Variants in DNAJB12 observed in about 807,000 individuals in gnomAD.
DNAJB12 encodes dnaJ homolog subfamily B member 12.
A neutral mutation model predicts 40.6 loss-of-function variants in DNAJB12; 14 were observed. The ratio of observed to expected loss-of-function variants is 0.34; its 90% CI spans 0.23 to 0.54. The LOEUF (loss-of-function observed/expected upper bound fraction) is 0.54. Ranked by LOEUF, DNAJB12 falls within the 20% of genes least tolerant of loss-of-function variation. The pLI is 0.92. For missense variants in DNAJB12, 444 were observed against 501.7 expected (o/e 0.89, Z 1.10); for synonymous variants, 181 against 199.5 (o/e 0.91, Z 0.78).
intron 7 of DNAJB12, 147 bp from the exon 8 acceptor site, chr10:72,336,078 G>C: frequency 1.0e-6 from 1 of 1,000,104 alleles, no homozygotes; most frequent in Non-Finnish European, 1.5e-6. Flanking sequence ...GACCATGGAG[G>C]AGCAGAGACT....
chr10:72,341,409 A>G (rs916860599), intron 3 of DNAJB12, among the ~76,000 whole-genome samples: 6 of 152,122 alleles, frequency 3.9e-5, no homozygotes, highest in Non-Finnish European at 7.4e-5. Context: ...CCTCAAGACA[A>G]TGGTCAAGCT....
Position 72,333,726 on chromosome 10 carries a change from G to A in DNAJB12, c.*922C>T, listed in dbSNP as rs1298537965. On this transcript the variant is annotated 3_prime_UTR_variant, in exon 9 of 9. Transcript: ENST00000444643. ...CTTCCCTTCTGTGGGCAGGGGGCTG[G>A]AGGGCTCCTGGGCACCAGGACAAAG... 2 of 152,672 alleles carry A rather than the reference G, an allele frequency of 1.3e-5. No homozygotes were observed. The highest frequency in any genetic ancestry group is 2.9e-5 in the Non-Finnish European group (2 of 68,096). The allele number at this position is 152,672 out of a possible 1,614,324, so 9.5% of individuals were successfully genotyped here. A position where few individuals can be genotyped will look rare whatever the true frequency, so the allele number is the denominator to read the frequency against.
At position 72,336,073 on chromosome 10, in the gene DNAJB12, T is replaced by C. The variant is rs1861466352; in HGVS notation, c.1007-142A>G. On this transcript the variant is annotated intron_variant, in intron 7 of 8. Coordinates refer to ENST00000444643, the MANE Select transcript of DNAJB12 (RefSeq NM_017626.7). ...GGCTGGCCTCCCATTAGGAAGACCATGGAGGAGCAGAGACTACAGTCCTTA... is the reference window on the plus strand; with the variant it reads ...GGCTGGCCTCCCATTAGGAAGACCACGGAGGAGCAGAGACTACAGTCCTTA... The C allele has an allele frequency of 5.7e-6, 6 of 1,045,526 alleles. No homozygotes were observed. In the South Asian group the frequency reaches 8.9e-5, roughly 16 times the overall value. The allele number at this position is 1,045,526 out of a possible 1,614,324, so 64.8% of individuals were successfully genotyped here.
intron 2 of DNAJB12, among the ~76,000 whole-genome samples, chr10:72,344,175 G>GAGAC (rs1035153731): frequency 2.3e-4 from 35 of 152,168 alleles, no homozygotes; most frequent in African/African-American, 8.2e-4. Flanking sequence ...CGCGTCCCTG[G>GAGAC]AGACCTCCTG....
rs1053209461 is a variant in DNAJB12, at chr10:72,333,716, C to A, written c.*932G>T. 6.6e-6 allele frequency: 1 copy of A among 152,636 alleles called. No homozygotes were observed. Among genetic ancestry groups the A allele is most frequent in the Non-Finnish European group, 1.5e-5 (1 of 68,078 alleles). The allele number at this position is 152,636 out of a possible 1,614,324, so 9.5% of individuals were successfully genotyped here. A position where few individuals can be genotyped will look rare whatever the true frequency, so the allele number is the denominator to read the frequency against. On this transcript the variant is annotated 3_prime_UTR_variant, in exon 9 of 9. Coordinates refer to ENST00000444643, the MANE Select transcript of DNAJB12 (RefSeq NM_017626.7). ...CTCTGCAGGCCTTCCCTTCTGTGGGCAGGGGGCTGGAGGGCTCCTGGGCAC... is the reference window on the plus strand; with the variant it reads ...CTCTGCAGGCCTTCCCTTCTGTGGGAAGGGGGCTGGAGGGCTCCTGGGCAC...
chr10:72,334,573 T>C lies in DNAJB12; in HGVS notation c.*75A>G. Reference sequence around the variant, plus strand: ...TTCCTCAAATATACAGTCCATCACCTTGGCTCAGTGCATGTCACCAAAAAT... The same window carrying C: ...TTCCTCAAATATACAGTCCATCACCCTGGCTCAGTGCATGTCACCAAAAAT... On this transcript the variant is annotated 3_prime_UTR_variant, in exon 9 of 9. Coordinates refer to ENST00000444643, the MANE Select transcript of DNAJB12 (RefSeq NM_017626.7). 6.5e-7 allele frequency: 1 copy of C among 1,535,746 alleles called. No individual in the cohort carries two copies. Among genetic ancestry groups the C allele is most frequent in the Non-Finnish European group, 8.7e-7 (1 of 1,146,782 alleles).
Position 72,334,426 on chromosome 10 carries a change from G to T in DNAJB12, c.*222C>A. ...TCCGCCAGCCCTGCGAGGGAGGGAAGCAGCCCCATGGCAGGTTTTCTGTCT... is the reference window on the plus strand; with the variant it reads ...TCCGCCAGCCCTGCGAGGGAGGGAATCAGCCCCATGGCAGGTTTTCTGTCT... On this transcript the variant is annotated 3_prime_UTR_variant, in exon 9 of 9. Transcript: ENST00000444643. The T allele has an allele frequency of 1.2e-6, 1 of 858,774 alleles. No homozygotes were observed. The highest frequency in any genetic ancestry group is 1.8e-6 in the Non-Finnish European group (1 of 543,146). The allele number at this position is 858,774 out of a possible 1,614,324, so 53.2% of individuals were successfully genotyped here.
intron 3 of DNAJB12, among the ~76,000 whole-genome samples, chr10:72,341,660 T>G (rs979588193): frequency 6.6e-6 from 1 of 152,092 alleles, no homozygotes; most frequent in South Asian, 2.1e-4. Flanking sequence ...TTTGTAGAGA[T>G]GAGGTCTTGC....
intron 1 of DNAJB12, among the ~76,000 whole-genome samples, chr10:72,351,021 C>A (rs1861922639): frequency 1.3e-5 from 2 of 152,282 alleles, no homozygotes; most frequent in South Asian, 2.1e-4. Flanking sequence ...AGCCCAGAGT[C>A]AACCATTTCA....
rs749745404 is a variant in DNAJB12 at position 72,336,642 on chromosome 10, A to G, written c.888T>C (p.Tyr296=). 7 of 1,614,122 alleles carry G rather than the reference A, an allele frequency of 4.3e-6. No individual in the cohort carries two copies. The highest frequency in any genetic ancestry group is 5.1e-6 in the Non-Finnish European group (6 of 1,179,972). The change falls in exon 7 of 9, where the codon TAT becomes TAC. Residue 296 remains tyrosine, a synonymous_variant. Coordinates refer to ENST00000444643, the MANE Select transcript of DNAJB12 (RefSeq NM_017626.7). Reference sequence around the variant, plus strand: ...ACTCTTCGGAGAAAGTGTCTCCCACATAGTAGACGACACCCAGGTGGTCAG... The same window carrying G: ...ACTCTTCGGAGAAAGTGTCTCCCACGTAGTAGACGACACCCAGGTGGTCAG... ...RVTDHLGVVY[Y]VGDTFSEEYT... is the part of the protein sequence containing the mutation.
chr10:72,348,352 A>G (rs1485282725), intron 1 of DNAJB12, among the ~76,000 whole-genome samples: 1 of 152,202 alleles, frequency 6.6e-6, no homozygotes, highest in Non-Finnish European at 1.5e-5. Flanking sequence ...CCTGGGCCCC[A>G]GCGCCCTGGG....
chr10:72,335,829 T>C lies in DNAJB12; in HGVS notation c.1109A>G (p.Gln370Arg), dbSNP rs1420808459. 1 of 1,614,146 alleles carries C rather than the reference T, an allele frequency of 6.2e-7. No homozygotes were observed. Among genetic ancestry groups the C allele is most frequent in the East Asian group, 2.2e-5 (1 of 44,882 alleles). Residue 370 changes from glutamine (Q) to arginine (R), a missense_variant, in exon 8 of 9, where the codon CAG becomes CGG. Coordinates refer to ENST00000444643, the MANE Select transcript of DNAJB12 (RefSeq NM_017626.7). The surrounding 1 kb of genome is among the most constrained non-coding windows in gnomAD (Gnocchi z 4.4). ...CCAGGACTATCCATGCAGGGAGGCC[T>C]GCACCTCTGACAGTCGGCTGCAGCT... ...TPSCSRLSEV[Q>R]ASLHG
rs573541156 is a variant in DNAJB12, at chr10:72,334,383, G to A, written c.*265C>T. ...TTGCCATGGTTTCTGTATCCTAGGA[G>A]AGAGGCGATGCGGAGCCTCCGCCAG... On this transcript the variant is annotated 3_prime_UTR_variant, in exon 9 of 9. Coordinates refer to ENST00000444643, the MANE Select transcript of DNAJB12 (RefSeq NM_017626.7). The A allele has an allele frequency of 1.6e-6, 1 of 634,958 alleles. No homozygotes were observed. Among genetic ancestry groups the A allele is most frequent in the South Asian group, 1.8e-5 (1 of 55,594 alleles). 39.3% of individuals were successfully genotyped at this position (634,958 alleles called of 1,614,324 possible).
intron 3 of DNAJB12, among the ~76,000 whole-genome samples, 183 bp downstream of exon 3, chr10:72,343,183 A>T (rs1861684585): frequency 6.6e-6 from 1 of 152,234 alleles, no homozygotes; most frequent in South Asian, 2.1e-4. Context: ...GACCAACTCT[A>T]CATAGCTAGA....
chr10:72,354,742 T>G (rs1862026307), intron 1 of DNAJB12, 23 bp downstream of exon 1: 2 of 1,593,994 alleles, frequency 1.3e-6, no homozygotes, highest in African/African-American at 1.3e-5. Flanking sequence ...ATGTCCCCAG[T>G]CTCTCCGGCA....
At chr10:72,350,504 G>A (rs138119917) in intron 1 of DNAJB12, among the ~76,000 whole-genome samples, 7 of 150,372 alleles carry the variant, frequency 4.7e-5, no homozygotes, top group African/African-American at 1.7e-4. Flanking sequence ...TAGCTCATCT[G>A]TGCAAAACTC....
At position 72,335,755 on chromosome 10, in the gene DNAJB12, G is replaced by A. The variant is rs1417696307; in HGVS notation, c.*30+25C>T. 1 of 1,606,042 alleles carries A rather than the reference G, an allele frequency of 6.2e-7. No homozygotes were observed. The highest frequency in any genetic ancestry group is 1.7e-5 in the Admixed American group (1 of 59,610). ...AGGGCCAAAGCTGCCAGGAGTTGCA[G>A]GGTGGAGGCAGCCCTGGCTCATACT... On this transcript the variant is annotated intron_variant, in intron 8 of 8. Coordinates refer to ENST00000444643, the MANE Select transcript of DNAJB12 (RefSeq NM_017626.7). The surrounding 1 kb of genome is among the most constrained non-coding windows in gnomAD (Gnocchi z 4.4).
intron 5 of DNAJB12, among the ~76,000 whole-genome samples, chr10:72,338,636 A>G (rs1861544415): frequency 6.6e-6 from 1 of 152,116 alleles, no homozygotes; most frequent in Admixed American, 6.5e-5. Context: ...TGCAGTATAT[A>G]CAAGTTTTTG....
chr10:72,334,669 C>T, intron 8 of DNAJB12, 52 bp from the exon 9 acceptor site: 1 of 1,513,304 alleles, frequency 6.6e-7, no homozygotes, highest in Non-Finnish European at 8.8e-7. Flanking sequence ...GCACCGGCTC[C>T]TCTAGCTTAT....
Sources: allele counts gnomAD v4.1 joint callset (sites outside exome capture counted in the v4.1 genomes callset), GRCh38; gene constraint gnomAD v4.1.1; non-coding constraint Gnocchi (gnomAD v3.1); transcripts MANE v1.5; gene names NCBI Gene and HGNC (gene_info 2026-07-23, HGNC 2026-07-21).